Variants in AGAP1 observed in about 807,000 individuals in gnomAD.
AGAP1 encodes the protein ArfGAP with GTPase domain, ankyrin repeat and PH domain 1, also known as arf-GAP with GTPase, ANK repeat and PH domain-containing protein 1.
Under a neutral mutation model 105.3 loss-of-function variants are expected in AGAP1, and 29 were observed. That is an observed-to-expected ratio of 0.28 (90% CI 0.21 to 0.38). The LOEUF is 0.38. Among genes scored for constraint, AGAP1 ranks in the 10% least tolerant of loss-of-function variants. The pLI is 1.00. For synonymous variants in AGAP1, 509 were observed against 485.9 expected, an observed-to-expected ratio of 1.05 and a Z score of -0.63; for missense variants, 998 against 1,165.1, an observed-to-expected ratio of 0.86 and a Z score of 2.09.
intron 1 of AGAP1, among the ~76,000 whole-genome samples, chr2:235,590,375 G>GAGTGTCTGCACAGATTCCC (rs1350116439): frequency 2.0e-5 from 3 of 152,224 alleles, no homozygotes; most frequent in South Asian, 2.1e-4. Flanking sequence ...GTTGACCAGG[G>GAGTGTCTGCACAGATTCCC]AGTGTCTGCA....
chr2:235,710,989 T>C (rs1559382854), intron 2 of AGAP1, among the ~76,000 whole-genome samples: 1 of 152,174 alleles, frequency 6.6e-6, no homozygotes, highest in Non-Finnish European at 1.5e-5. Flanking sequence ...ATGAGGAAAC[T>C]GAGGCTCAGA....
intron 16 of AGAP1, among the ~76,000 whole-genome samples, chr2:236,115,286 C>G (rs77748115): frequency 0.041 from 6,175 of 152,282 alleles, 410 homozygotes; most frequent in African/African-American, 0.14. Context: ...AATGCGTGAT[C>G]CCAAATCCCA....
chr2:235,584,795 C>T (rs1425882143), intron 1 of AGAP1, among the ~76,000 whole-genome samples: 1 of 151,960 alleles, frequency 6.6e-6, no homozygotes, highest in Non-Finnish European at 1.5e-5. Context: ...TTGCCGCTCA[C>T]TCCTCCCTCT....
In AGAP1 at chr2:236,050,211, C is replaced by T. The variant is rs72973037; in HGVS notation, c.2114+930C>T. On this transcript the variant is annotated intron_variant, in intron 16 of 17. Transcript: ENST00000304032. This position sits in a 1 kb window ranked among gnomAD's most constrained non-coding sequence, Gnocchi z 4.0. ...TAATCTGTGGTTACGCCACAGAAACCGGTTTCTACTGCAGAGCAGTAAGAA... is the reference window on the plus strand; with the variant it reads ...TAATCTGTGGTTACGCCACAGAAACTGGTTTCTACTGCAGAGCAGTAAGAA... Among the ~76,000 whole-genome samples the T allele has an allele frequency of 7.5e-3, 1,141 of 152,318 alleles. 13 individuals carry two copies. Among genetic ancestry groups the T allele is most frequent in the Middle Eastern group, 0.014 (4 of 294 alleles).
rs2055423380 is a variant in AGAP1, at chr2:235,988,624, C to A, written c.1645+20001C>A. ...TCAGCTTTTTCCATTGTCTCTGAAA[C>A]ACTTGCATTTTTCCTGTAACTTTCC... On this transcript the variant is annotated intron_variant, in intron 13 of 17. Transcript: ENST00000304032. The surrounding 1 kb of genome is among the most constrained non-coding windows in gnomAD (Gnocchi z 4.7). Among the ~76,000 whole-genome samples the A allele has an allele frequency of 6.6e-6, 1 of 152,086 alleles. No homozygotes were observed. Among genetic ancestry groups the A allele is most frequent in the South Asian group, 2.1e-4 (1 of 4,830 alleles).
At chr2:235,781,060 C>G (rs946446914) in intron 6 of AGAP1, among the ~76,000 whole-genome samples, 1 of 152,130 alleles carries the variant, frequency 6.6e-6, no homozygotes, top group African/African-American at 2.4e-5. Flanking sequence ...AGAGGCAAAC[C>G]TGTGATATTA....
At chr2:235,773,547 G>A (rs768276322) in intron 6 of AGAP1, among the ~76,000 whole-genome samples, 4 of 152,212 alleles carry the variant, frequency 2.6e-5, no homozygotes, top group Non-Finnish European at 5.9e-5. Flanking sequence ...TGTTACTTAG[G>A]TGTGGAAAGT....
rs2055069638 is a variant in AGAP1 at position 235,981,011 on chromosome 2, C to G, written c.1645+12388C>G. On this transcript the variant is annotated intron_variant, in intron 13 of 17. Coordinates refer to ENST00000304032, the MANE Select transcript of AGAP1 (RefSeq NM_001037131.3). The surrounding 1 kb of genome is among the most constrained non-coding windows in gnomAD (Gnocchi z 5.5). ...TCCTGTTATGCTCTTAATTCTGATT[C>G]TTGTCTTACGGATTGTCTTAGAATG... 2.0e-5 allele frequency among the ~76,000 whole-genome samples: 3 copies of G among 152,132 alleles called. No homozygotes were observed. In the South Asian group the frequency reaches 6.2e-4, roughly 31 times the overall value.
At chr2:235,849,438 A>G (rs1961895802) in intron 9 of AGAP1, among the ~76,000 whole-genome samples, 1 of 151,602 alleles carries the variant, frequency 6.6e-6, no homozygotes, top group Non-Finnish European at 1.5e-5. Flanking sequence ...GGAGTGGTGT[A>G]GATGATAGAA....
rs73996516 is a variant in AGAP1 at position 236,074,331 on chromosome 2, A to C, written c.2114+25050A>C. Among the ~76,000 whole-genome samples, 1,261 of 152,280 alleles carry C rather than the reference A, an allele frequency of 8.3e-3. 14 individuals carry two copies. The highest frequency in any genetic ancestry group is 0.028 in the African/African-American group (1,173 of 41,560). Reference sequence around the variant, plus strand: ...GATTCTCTCCACTCCCTCCCCATAGAATCAACTGTAAAAGCTTTAGCCATT... The same window carrying C: ...GATTCTCTCCACTCCCTCCCCATAGCATCAACTGTAAAAGCTTTAGCCATT... On this transcript the variant is annotated intron_variant, in intron 16 of 17. Transcript: ENST00000304032.
chr2:235,990,058 A>G (rs1325817021), intron 13 of AGAP1, among the ~76,000 whole-genome samples: 1 of 152,208 alleles, frequency 6.6e-6, no homozygotes, highest in Non-Finnish European at 1.5e-5. Flanking sequence ...CAGGACCCAC[A>G]GCCACACAAG....
At chr2:235,661,496 C>T (rs2149339950) in intron 1 of AGAP1, among the ~76,000 whole-genome samples, 1 of 129,442 alleles carries the variant, frequency 7.7e-6, no homozygotes, top group Admixed American at 9.0e-5. Context: ...TCAAGGAATC[C>T]TAGGAATGGG....
intron 1 of AGAP1, among the ~76,000 whole-genome samples, chr2:235,693,686 T>G (rs1949854250): frequency 6.6e-6 from 1 of 152,150 alleles, no homozygotes; most frequent in South Asian, 2.1e-4. Flanking sequence ...AGGCCTCGTC[T>G]CCAAAAAACC....
In AGAP1 at chr2:235,759,416, G is replaced by A. The variant is rs531297157; in HGVS notation, c.673+8928G>A. 3.0e-3 allele frequency among the ~76,000 whole-genome samples: 454 copies of A among 152,136 alleles called. 3 individuals carry two copies. Among genetic ancestry groups the A allele is most frequent in the Non-Finnish European group, 5.1e-3 (344 of 67,964 alleles). ...GATCTCCTGACCTCGTGATCCGCCC[G>A]CCTTGGCCTCCCAAAGTGCTGGGAT... is the stretch of plus-strand genomic sequence containing the variant. On this transcript the variant is annotated intron_variant, in intron 6 of 17. Transcript: ENST00000304032.
Position 235,725,660 on chromosome 2 carries a change from T to A in AGAP1, c.310+8016T>A, listed in dbSNP as rs1951608134. Among the ~76,000 whole-genome samples, 1 of 152,180 alleles carries A rather than the reference T, an allele frequency of 6.6e-6. No individual in the cohort carries two copies. The highest frequency in any genetic ancestry group is 2.4e-5 in the African/African-American group (1 of 41,440). ...TTTAATGAGAATTATCTGTAAACGT[T>A]GAGATGATGAGCCTGCTGCTATGTT... On this transcript the variant is annotated intron_variant, in intron 3 of 17. Coordinates refer to ENST00000304032, the MANE Select transcript of AGAP1 (RefSeq NM_001037131.3). The surrounding 1 kb of genome is among the most constrained non-coding windows in gnomAD (Gnocchi z 5.7).
intron 1 of AGAP1, among the ~76,000 whole-genome samples, chr2:235,501,504 C>T (rs1221276337): frequency 6.6e-6 from 1 of 152,130 alleles, no homozygotes; most frequent in East Asian, 1.9e-4. Flanking sequence ...TTGGAGGAGC[C>T]TGAAGGAAGT....
chr2:236,098,791 A>AT (rs548101001), intron 16 of AGAP1, among the ~76,000 whole-genome samples: 8 of 151,158 alleles, frequency 5.3e-5, no homozygotes, highest in East Asian at 2.0e-4. Flanking sequence ...TACCCAGCTA[A>AT]TTTTTTTTAA....
At chr2:236,034,083 C>T (rs745738152) in intron 13 of AGAP1, among the ~76,000 whole-genome samples, 1 of 152,156 alleles carries the variant, frequency 6.6e-6, no homozygotes, top group Non-Finnish European at 1.5e-5. Context: ...CCTTACCTAT[C>T]TGTTCACTAG....
At chr2:235,727,014 C>G (rs1007412615) in intron 3 of AGAP1, among the ~76,000 whole-genome samples, 7 of 152,132 alleles carry the variant, frequency 4.6e-5, no homozygotes, top group African/African-American at 1.7e-4. Flanking sequence ...GGTTTCGGTC[C>G]TTAGTGCTCA....
Sources: allele counts gnomAD v4.1 joint callset (sites outside exome capture counted in the v4.1 genomes callset), GRCh38; gene constraint gnomAD v4.1.1; non-coding constraint Gnocchi (gnomAD v3.1); transcripts MANE v1.5; gene names NCBI Gene and HGNC (gene_info 2026-07-23, HGNC 2026-07-21).